ERO1B: variants seen among roughly 807,000 people sequenced by gnomAD.
ERO1B encodes the protein endoplasmic reticulum oxidoreductase 1 beta.
ERO1B carries 49 observed loss-of-function variants against 75.3 expected under a neutral mutation model. The ratio of observed to expected loss-of-function variants is 0.65; its 90% CI spans 0.52 to 0.83. The LOEUF is 0.83. Ranked by LOEUF, ERO1B falls within the 40% of genes least tolerant of loss-of-function variation. ERO1B has a pLI of 0.00. For missense variants in ERO1B, 512 were observed against 560.1 expected (o/e 0.91, Z 0.87); for synonymous variants, 191 against 192.9 (o/e 0.99, Z 0.08).
At chr1:236,219,480 T>G (rs933670798) in intron 15 of ERO1B, among the ~76,000 whole-genome samples, 2 of 152,222 alleles carry the variant, frequency 1.3e-5, no homozygotes, top group African/African-American at 4.8e-5. Flanking sequence ...CTCAATTGTT[T>G]TCATCTTTCT....
At position 236,236,318 on chromosome 1, in the gene ERO1B, A is replaced by C; in HGVS notation, c.586T>G (p.Trp196Gly). The stretch of plus-strand genomic sequence containing the variant: ...TCATAGATGCTGTTCCACACTCTCC[A>C]TGCAGAGGTCCCTTTATAGCCAGTG... ...RYTGYKGTSA[W>G]RVWNSIYEEN... The change falls in exon 7 of 16, where the codon TGG becomes GGG. Residue 196 changes from tryptophan (W) to glycine (G), a missense_variant. Physicochemically the swap from Trp to Gly is radical, Grantham distance 184. Transcript: ENST00000354619. 1.2e-6 allele frequency: 2 copies of C among 1,613,182 alleles called. No homozygotes were observed. The highest frequency in any genetic ancestry group is 8.5e-7 in the Non-Finnish European group (1 of 1,179,844).
At position 236,225,059 on chromosome 1, in the gene ERO1B, G is replaced by C. The variant is rs762968498; in HGVS notation, c.1122+11C>G. ...GCTCCCAACCCCGTGTCCCAATCGA[G>C]AACTTTTTACCTTTAGTGACTTGGC... On this transcript the variant is annotated intron_variant, in intron 13 of 15. Coordinates refer to ENST00000354619, the MANE Select transcript of ERO1B (RefSeq NM_019891.4). The C allele has an allele frequency of 1.1e-5, 17 of 1,613,372 alleles. No homozygotes were observed. Among genetic ancestry groups the C allele is most frequent in the East Asian group, 2.2e-5 (1 of 44,858 alleles).
intron 10 of ERO1B, among the ~76,000 whole-genome samples, chr1:236,228,763 T>C (rs2034991300): frequency 1.3e-5 from 2 of 152,302 alleles, no homozygotes; most frequent in African/African-American, 4.8e-5. Context: ...ATTGCTCCTC[T>C]CCACGCTCCA....
At chr1:236,247,640 AGTCT>A (rs1450559998) in intron 5 of ERO1B, among the ~76,000 whole-genome samples, 1 of 152,132 alleles carries the variant, frequency 6.6e-6, no homozygotes, top group Non-Finnish European at 1.5e-5. Flanking sequence ...TATTCCACCC[AGTCT>A]AAGAGCAAAC....
chr1:236,260,222 G>C (rs1665263535), intron 2 of ERO1B, among the ~76,000 whole-genome samples: 1 of 152,142 alleles, frequency 6.6e-6, no homozygotes, highest in Admixed American at 6.6e-5. Context: ...TCACGACTAT[G>C]TTCCAATAAA....
rs374494102 is a variant in ERO1B, at chr1:236,229,286, G to A, written c.712+938C>T. Among the ~76,000 whole-genome samples, 17 of 152,126 alleles carry A rather than the reference G, an allele frequency of 1.1e-4. No homozygotes were observed. The East Asian group carries it at 1.2e-3, about 10-fold the overall frequency. On this transcript the variant is annotated intron_variant, in intron 10 of 15. Transcript: ENST00000354619. The stretch of plus-strand genomic sequence containing the variant: ...CTAAAAATACAAAAATTAGCTGGGT[G>A]TGGTGGCGGGTGCCTGTAATCCCAG...
chr1:236,240,095 G>C (rs769505982), intron 6 of ERO1B, among the ~76,000 whole-genome samples: 1 of 151,464 alleles, frequency 6.6e-6, no homozygotes, highest in Non-Finnish European at 1.5e-5. Context: ...AGTAGAGGCA[G>C]GGTTTTGCCA....
At chr1:236,243,216 G>A (rs1664756265) in intron 6 of ERO1B, among the ~76,000 whole-genome samples, 1 of 152,160 alleles carries the variant, frequency 6.6e-6, no homozygotes, top group South Asian at 2.1e-4. Context: ...TATGAAGGTA[G>A]CTGCAAAGAC....
intron 2 of ERO1B, among the ~76,000 whole-genome samples, chr1:236,262,976 C>T (rs1478089972): frequency 2.6e-5 from 4 of 152,086 alleles, no homozygotes; most frequent in Non-Finnish European, 5.9e-5. Flanking sequence ...CTATACCTCT[C>T]GTGCCAAATG....
rs1665755357 is a variant in ERO1B at position 236,278,449 on chromosome 1, C to A, written c.102+3233G>T. Among the ~76,000 whole-genome samples the A allele has an allele frequency of 2.6e-5, 4 of 151,942 alleles. No homozygotes were observed. In the South Asian group the frequency reaches 8.3e-4, roughly 32 times the overall value. On this transcript the variant is annotated intron_variant, in intron 1 of 15. Coordinates refer to ENST00000354619, the MANE Select transcript of ERO1B (RefSeq NM_019891.4). ...TTATGGTGGAGGCTCCTATTAGTTT[C>A]CTCTCACTGGGCAGACACGGGGTTA...
At chr1:236,245,642 G>A (rs1664865670) in intron 5 of ERO1B, among the ~76,000 whole-genome samples, 2 of 130,508 alleles carry the variant, frequency 1.5e-5, no homozygotes, top group Non-Finnish European at 3.2e-5. Flanking sequence ...CTGGAGTGTA[G>A]TGGCACGATC....
Position 236,235,851 on chromosome 1 carries a change from T to C in ERO1B, c.627-16A>G. ...AGATCGAGGCCTGAAAAAGAAAGCA[T>C]AATACCCAAACATAGAATGTTTTAA... On this transcript the variant is annotated splice_polypyrimidine_tract_variant and intron_variant, in intron 7 of 15. Coordinates refer to ENST00000354619, the MANE Select transcript of ERO1B (RefSeq NM_019891.4). The C allele has an allele frequency of 6.2e-7, 1 of 1,609,390 alleles. No individual in the cohort carries two copies. The highest frequency in any genetic ancestry group is 8.5e-7 in the Non-Finnish European group (1 of 1,177,448).
intron 15 of ERO1B, among the ~76,000 whole-genome samples, chr1:236,219,598 T>G (rs1442615091): frequency 6.6e-6 from 1 of 152,210 alleles, no homozygotes; most frequent in Non-Finnish European, 1.5e-5. Flanking sequence ...ACAGGCCTCA[T>G]AAGTGGATGG....
At position 236,241,716 on chromosome 1, in the gene ERO1B, T is replaced by C. The variant is rs146587258; in HGVS notation, c.505+1706A>G. On this transcript the variant is annotated intron_variant, in intron 6 of 15. Coordinates refer to ENST00000354619, the MANE Select transcript of ERO1B (RefSeq NM_019891.4). ...TGAAAATCTTAAGGGGATGATTTCA[T>C]GTAAATTCTTAAAAAATATTTCTTA... is the stretch of plus-strand genomic sequence containing the variant. Among the ~76,000 whole-genome samples the C allele has an allele frequency of 3.8e-3, 574 of 152,238 alleles. 5 individuals carry two copies. Among genetic ancestry groups the C allele is most frequent in the African/African-American group, 0.013 (525 of 41,538 alleles).
chr1:236,220,722 ATTTTTT>A lies in ERO1B; in HGVS notation c.1343+104_1343+109del, dbSNP rs34880815. The A allele has an allele frequency of 2.7e-6, 3 of 1,105,850 alleles. No individual in the cohort carries two copies. The Admixed American group carries it at 9.0e-5, about 33-fold the overall frequency. 68.5% of individuals were successfully genotyped at this position (1,105,850 alleles called of 1,614,324 possible). A position where few individuals can be genotyped will look rare whatever the true frequency, so the allele number is the denominator to read the frequency against. ...TAAGTTAGTACAGATACAATATAAA[ATTTTTT>A]TTTGTCAACAAAACAAACCCTACTT... On this transcript the variant is annotated intron_variant, in intron 15 of 15. Coordinates refer to ENST00000354619, the MANE Select transcript of ERO1B (RefSeq NM_019891.4).
chr1:236,253,418 A>T lies in ERO1B; in HGVS notation c.306+4T>A. The T allele has an allele frequency of 1.3e-6, 2 of 1,583,982 alleles. No individual in the cohort carries two copies. The highest frequency in any genetic ancestry group is 1.7e-6 in the Non-Finnish European group (2 of 1,156,300). ...GCTTTGCCCTGTTATTTTATTTATT[A>T]TACCTCTGGACAGGGCTCCACATGA... On this transcript the variant is annotated splice_donor_region_variant and intron_variant, in intron 3 of 15. Coordinates refer to ENST00000354619, the MANE Select transcript of ERO1B (RefSeq NM_019891.4).
intron 8 of ERO1B, 50 bp downstream of exon 8, chr1:236,235,739 A>G (rs770779092): frequency 1.4e-6 from 2 of 1,472,454 alleles, no homozygotes; most frequent in East Asian, 2.3e-5. Flanking sequence ...AGTTATAAAG[A>G]CATTTTATAA....
At chr1:236,224,780 A>G (rs1362838297) in intron 13 of ERO1B, among the ~76,000 whole-genome samples, 1 of 152,236 alleles carries the variant, frequency 6.6e-6, no homozygotes, top group Non-Finnish European at 1.5e-5. Flanking sequence ...CATCAAAACG[A>G]CAATATACAC....
chr1:236,258,836 C>T (rs1665227174), intron 2 of ERO1B, among the ~76,000 whole-genome samples: 1 of 152,142 alleles, frequency 6.6e-6, no homozygotes, highest in Non-Finnish European at 1.5e-5. Flanking sequence ...TTGCAGTGAG[C>T]CAAGATCGTG....
Sources: gnomAD v4.1 joint callset for allele counts (sites outside exome capture counted in the v4.1 genomes callset) on GRCh38, gnomAD v4.1.1 for gene constraint, MANE v1.5 for transcripts, NCBI Gene and HGNC (gene_info 2026-07-23, HGNC 2026-07-21) for gene names.